Variants in RASA3 observed in about 807,000 individuals in gnomAD.
RASA3 encodes the protein ras GTPase-activating protein 3.
A neutral mutation model predicts 110.0 loss-of-function variants in RASA3; 73 were observed. That is an observed-to-expected ratio of 0.66 (90% CI 0.55 to 0.81). The LOEUF (loss-of-function observed/expected upper bound fraction) is 0.81. RASA3 is among the 30% of genes least tolerant of loss of function. RASA3 has a pLI of 0.00. For synonymous variants in RASA3, 500 were observed against 451.4 expected (o/e 1.11, Z -1.37); for missense variants, 976 against 1,113.2 (o/e 0.88, Z 1.75).
At chr13:114,130,930 A>AC (rs1429843244) in intron 1 of RASA3, among the ~76,000 whole-genome samples, 1 of 151,938 alleles carries the variant, frequency 6.6e-6, no homozygotes, top group Non-Finnish European at 1.5e-5. Flanking sequence ...CAGCAAACTG[A>AC]CCCCCACGGG....
intron 4 of RASA3, among the ~76,000 whole-genome samples, chr13:114,030,959 G>A (rs1004378058): frequency 9.2e-5 from 14 of 151,404 alleles, no homozygotes; most frequent in Non-Finnish European, 2.9e-5. Flanking sequence ...GCTGCTGTGT[G>A]CGTGTCTGCC....
At chr13:114,073,433 G>A (rs1278875268) in intron 2 of RASA3, among the ~76,000 whole-genome samples, 1 of 143,652 alleles carries the variant, frequency 7.0e-6, no homozygotes, top group African/African-American at 2.6e-5. Context: ...TCTACGCACA[G>A]AAAAATTCCC....
intron 1 of RASA3, among the ~76,000 whole-genome samples, chr13:114,119,474 C>A (rs1266740903): frequency 1.3e-5 from 2 of 152,036 alleles, no homozygotes; most frequent in African/African-American, 2.4e-5. Context: ...AGCGAGAGAA[C>A]CAGCAGGGCC....
chr13:114,017,422 C>CAGA, intron 11 of RASA3, 71 bp from the exon 12 acceptor site: 1 of 1,197,954 alleles, frequency 8.3e-7, no homozygotes, highest in South Asian at 1.4e-5. Flanking sequence ...AGAGCCTGGC[C>CAGA]CCGAGCACCT....
chr13:114,076,840 T>C (rs2079693453), intron 1 of RASA3, among the ~76,000 whole-genome samples: 1 of 152,168 alleles, frequency 6.6e-6, no homozygotes, highest in Non-Finnish European at 1.5e-5. Flanking sequence ...CAGATAGAAG[T>C]CCTTACCCTC....
chr13:114,060,609 G>A (rs970437335), intron 2 of RASA3, among the ~76,000 whole-genome samples: 1 of 152,242 alleles, frequency 6.6e-6, no homozygotes, highest in Non-Finnish European at 1.5e-5. Flanking sequence ...ACGGGCCTGC[G>A]GGGACGCGAA....
At chr13:114,017,109 T>C in intron 12 of RASA3, 128 bp downstream of exon 12, 1 of 782,086 alleles carries the variant, frequency 1.3e-6, no homozygotes, top group Non-Finnish European at 2.2e-6. Context: ...AGCATCCCCG[T>C]GGCGAGGCCA....
chr13:114,057,333 T>G lies in RASA3; in HGVS notation c.174-5178A>C. On this transcript the variant is annotated intron_variant, in intron 2 of 23. Coordinates refer to ENST00000334062, the MANE Select transcript of RASA3 (RefSeq NM_007368.4). This position sits in a 1 kb window ranked among gnomAD's most constrained non-coding sequence, Gnocchi z 5.0. Reference sequence around the variant, plus strand: ...AACGGAGCTCTGAGCCACCAACCACTGTGACCAAGCTTCATTCCCACGAGC... The same window carrying G: ...AACGGAGCTCTGAGCCACCAACCACGGTGACCAAGCTTCATTCCCACGAGC... 1.0e-6 allele frequency: 1 copy of G among 985,360 alleles called. No individual in the cohort carries two copies. Among genetic ancestry groups the G allele is most frequent in the South Asian group, 4.7e-5 (1 of 21,288 alleles). The allele number at this position is 985,360 out of a possible 1,614,324, so 61.0% of individuals were successfully genotyped here.
In RASA3 at chr13:114,116,353, C is replaced by T. The variant is rs139429034; in HGVS notation, c.55+16082G>A. On this transcript the variant is annotated intron_variant, in intron 1 of 23. Transcript: ENST00000334062. ...ATTAACCTAGAGACCCCCATCCCTA[C>T]CCCTCCCTATGAATGCTTTTTCATA... Among the ~76,000 whole-genome samples the T allele has an allele frequency of 6.1e-3, 936 of 152,200 alleles. 13 individuals carry two copies. Among genetic ancestry groups the T allele is most frequent in the African/African-American group, 0.022 (897 of 41,526 alleles).
intron 1 of RASA3, 51 bp downstream of exon 1, chr13:114,132,384 G>A (rs1452394524): frequency 6.8e-7 from 1 of 1,466,210 alleles, no homozygotes; most frequent in East Asian, 2.9e-5. Context: ...GCGCGGGAGA[G>A]GACAGGGTCG....
intron 20 of RASA3, among the ~76,000 whole-genome samples, chr13:113,997,965 A>G (rs916966831): frequency 5.9e-5 from 9 of 152,198 alleles, no homozygotes; most frequent in African/African-American, 2.2e-4. Flanking sequence ...CGTCCTGGCC[A>G]TCATCCCAGG....
chr13:114,004,680 C>T (rs561904334), intron 18 of RASA3, among the ~76,000 whole-genome samples: 2 of 152,296 alleles, frequency 1.3e-5, no homozygotes, highest in South Asian at 2.1e-4. Flanking sequence ...AGCGCTTGCA[C>T]GCTGTGGGGA....
chr13:114,038,445 C>A (rs2054323557), intron 4 of RASA3, among the ~76,000 whole-genome samples: 1 of 152,248 alleles, frequency 6.6e-6, no homozygotes, highest in Non-Finnish European at 1.5e-5. Context: ...GGTTCCCCAG[C>A]CAGTGCTTTC....
intron 6 of RASA3, 92 bp downstream of exon 6, chr13:114,027,755 T>TC: frequency 7.6e-7 from 1 of 1,308,770 alleles, no homozygotes; most frequent in Non-Finnish European, 1.1e-6. Flanking sequence ...ACCTCCTGAC[T>TC]CCTCCCAAAT....
intron 21 of RASA3, among the ~76,000 whole-genome samples, 188 bp from the exon 22 acceptor site, chr13:113,992,776 C>T (rs571377360): frequency 3.3e-5 from 5 of 152,328 alleles, no homozygotes; most frequent in Admixed American, 1.3e-4. Flanking sequence ...AGGCTGACAG[C>T]GTCCACAGCA....
chr13:114,027,847 C>T lies in RASA3; in HGVS notation c.530G>A (p.Arg177Lys), dbSNP rs2054056303. ...YATVTLAGPFRSEAKKTKVKR... is the reference protein window; with the variant it reads ...YATVTLAGPFKSEAKKTKVKR... Reference sequence around the variant, plus strand: ...AAACCTGAAGCGTGAGGCAACTTGCCTGAAGGGTCCTGCCAGCGTCACGGT... The same window carrying T: ...AAACCTGAAGCGTGAGGCAACTTGCTTGAAGGGTCCTGCCAGCGTCACGGT... The change falls in exon 6 of 24, where the codon AGA becomes AAA. Residue 177 changes from arginine (R) to lysine (K), a missense_variant and splice_region_variant. Arg to Lys is a conservative substitution (Grantham distance 26, BLOSUM62 2). Transcript: ENST00000334062. The T allele has an allele frequency of 6.2e-7, 1 of 1,613,694 alleles. No individual in the cohort carries two copies. Among genetic ancestry groups the T allele is most frequent in the African/African-American group, 1.3e-5 (1 of 74,900 alleles).
In RASA3 at chr13:114,072,109, T is replaced by C. The variant is rs560040986; in HGVS notation, c.173+1611A>G. Among the ~76,000 whole-genome samples, 9 of 152,210 alleles carry C rather than the reference T, an allele frequency of 5.9e-5. No individual in the cohort carries two copies. The East Asian group carries it at 1.7e-3, about 29-fold the overall frequency. ...GCTCCCTTATAACCCAGCCGCCCCA[T>C]GCTTCCCCCGAGGCCGCAGCACTGA... On this transcript the variant is annotated intron_variant, in intron 2 of 23. Coordinates refer to ENST00000334062, the MANE Select transcript of RASA3 (RefSeq NM_007368.4).
At position 113,978,233 on chromosome 13, in the gene RASA3, G is replaced by A. The variant is rs1013403061; in HGVS notation, c.*1114C>T. On this transcript the variant is annotated 3_prime_UTR_variant, in exon 24 of 24. Coordinates refer to ENST00000334062, the MANE Select transcript of RASA3 (RefSeq NM_007368.4). ...GCCCCTGCCCTGCACAGCATCTGGGGGTTCATAACACAGGTGCAATACTGA... is the reference window on the plus strand; with the variant it reads ...GCCCCTGCCCTGCACAGCATCTGGGAGTTCATAACACAGGTGCAATACTGA... The A allele has an allele frequency of 6.6e-6, 1 of 152,236 alleles. No homozygotes were observed. Among genetic ancestry groups the A allele is most frequent in the Admixed American group, 6.5e-5 (1 of 15,272 alleles). 9.4% of individuals were successfully genotyped at this position (152,236 alleles called of 1,614,324 possible).
rs540511195 is a variant in RASA3 at position 114,046,991 on chromosome 13, C to T, written c.277+5061G>A. Among the ~76,000 whole-genome samples, 169 of 152,218 alleles carry T rather than the reference C, an allele frequency of 1.1e-3. 1 individual carries two copies. The highest frequency in any genetic ancestry group is 3.9e-3 in the African/African-American group (162 of 41,528). Reference sequence around the variant, plus strand: ...AAGCACATGCTTTCCAGGAGAAAACCGCCACAACCGTGGAATAGGCAAGAC... The same window carrying T: ...AAGCACATGCTTTCCAGGAGAAAACTGCCACAACCGTGGAATAGGCAAGAC... On this transcript the variant is annotated intron_variant, in intron 3 of 23. Transcript: ENST00000334062.
Sources: gnomAD v4.1 joint callset for allele counts (sites outside exome capture counted in the v4.1 genomes callset) on GRCh38, gnomAD v4.1.1 for gene constraint, Gnocchi (gnomAD v3.1) non-coding constraint, MANE v1.5 for transcripts, NCBI Gene and HGNC (gene_info 2026-07-23, HGNC 2026-07-21) for gene names.